Variants in OR11A1 observed in about 807,000 individuals in gnomAD.
OR11A1 encodes the protein olfactory receptor 11A1.
For synonymous variants in OR11A1, 158 were observed against 152.2 expected (o/e 1.04, Z -0.28); for missense variants, 380 against 378.2 (o/e 1.00, Z -0.04).
In OR11A1 at chr6:29,455,838, T is replaced by C. The variant is rs1432410399; in HGVS notation, c.-389+1149A>G. Among the ~76,000 whole-genome samples the C allele has an allele frequency of 6.9e-5, 9 of 130,550 alleles. No homozygotes were observed. The East Asian group carries it at 2.1e-3, about 31-fold the overall frequency. 85.6% of individuals were successfully genotyped at this position (130,550 alleles called of 152,430 possible). ...TTTTAGTGAGCCGAGATCGTGCCATTGCACTCCAGCCTAGGAGACAGAATG... is the reference window on the plus strand; with the variant it reads ...TTTTAGTGAGCCGAGATCGTGCCATCGCACTCCAGCCTAGGAGACAGAATG... On this transcript the variant is annotated intron_variant, in intron 1 of 4. Transcript: ENST00000377149.
intron 1 of OR11A1, among the ~76,000 whole-genome samples, chr6:29,452,625 GA>G (rs200389639): frequency 2.0e-5 from 3 of 151,714 alleles, no homozygotes; most frequent in African/African-American, 4.8e-5. Flanking sequence ...AATGTGAAGA[GA>G]AAAAAAATCT....
chr6:29,428,136 C>T (rs1485386586), intron 4 of OR11A1: 1 of 641,998 alleles, frequency 1.6e-6, no homozygotes, highest in Non-Finnish European at 1.9e-6. Context: ...CTGTCTAATC[C>T]CCATGGTCAC....
chr6:29,435,328 G>T (rs1324923263), intron 1 of OR11A1, among the ~76,000 whole-genome samples: 1 of 152,230 alleles, frequency 6.6e-6, no homozygotes, highest in Non-Finnish European at 1.5e-5. Context: ...ACTCTCAGAA[G>T]TGACTATGGG....
chr6:29,427,717 C>T lies in OR11A1; in HGVS notation c.-76G>A. The T allele has an allele frequency of 6.6e-7, 1 of 1,507,172 alleles. No individual in the cohort carries two copies. The highest frequency in any genetic ancestry group is 8.8e-7 in the Non-Finnish European group (1 of 1,130,866). The allele number at this position is 1,507,172 out of a possible 1,614,324, so 93.4% of individuals were successfully genotyped here. ...ATGTCTCTGCATCTTCTATACCAAG[C>T]CTAACGTTATTAGAGCTAAAACAAA... On this transcript the variant is annotated 5_prime_UTR_variant, in exon 5 of 5. Transcript: ENST00000377149.
intron 1 of OR11A1, among the ~76,000 whole-genome samples, chr6:29,436,699 A>C (rs189259583): frequency 1.6e-4 from 25 of 152,376 alleles, no homozygotes; most frequent in Non-Finnish European, 2.8e-4. Context: ...TGCATTTTAA[A>C]GATGAGAAAT....
intron 1 of OR11A1, chr6:29,450,117 G>T (rs1193678602): frequency 6.6e-6 from 1 of 152,170 alleles, no homozygotes; most frequent in African/African-American, 2.4e-5. Context: ...ACTAAGATAT[G>T]GGATGTAGAA....
At chr6:29,455,224 CA>C (rs1317221783) in intron 1 of OR11A1, among the ~76,000 whole-genome samples, 1 of 152,084 alleles carries the variant, frequency 6.6e-6, no homozygotes, top group Non-Finnish European at 1.5e-5. Flanking sequence ...ATTGAAACAT[CA>C]AACCACAGAC....
chr6:29,440,584 A>G (rs1427846245), intron 1 of OR11A1: 1 of 1,613,578 alleles, frequency 6.2e-7, no homozygotes, highest in Admixed American at 1.7e-5. Flanking sequence ...GTATGTGGAG[A>G]CACCTCGCTT....
intron 1 of OR11A1, chr6:29,450,078 G>T (rs1785199327): frequency 6.6e-6 from 1 of 152,212 alleles, no homozygotes; most frequent in African/African-American, 2.4e-5. Context: ...ACCGAAAAAT[G>T]GGCCTGTGGC....
In OR11A1 at chr6:29,426,208, G is replaced by A. The variant is rs1203349461; in HGVS notation, c.*486C>T. ...CATATTTAATAAAGAACTAATCAAA[G>A]TTTAAATAATTTTGATTATTTGACA... On this transcript the variant is annotated 3_prime_UTR_variant, in exon 5 of 5. Transcript: ENST00000377149. The A allele has an allele frequency of 5.9e-5, 9 of 153,464 alleles. No individual in the cohort carries two copies. The highest frequency in any genetic ancestry group is 2.9e-5 in the Non-Finnish European group (2 of 68,660). The allele number at this position is 153,464 out of a possible 1,614,324, so 9.5% of individuals were successfully genotyped here. A position where few individuals can be genotyped will look rare whatever the true frequency, so the allele number is the denominator to read the frequency against.
In OR11A1 at chr6:29,430,343, T is replaced by C; in HGVS notation, c.-182A>G. 1 of 985,400 alleles carries C rather than the reference T, an allele frequency of 1.0e-6. No homozygotes were observed. The highest frequency in any genetic ancestry group is 1.1e-4 in the East Asian group (1 of 8,804). 61.0% of individuals were successfully genotyped at this position (985,400 alleles called of 1,614,324 possible). On this transcript the variant is annotated 5_prime_UTR_variant, in exon 3 of 5. Coordinates refer to ENST00000377149, the MANE Select transcript of OR11A1 (RefSeq NM_001394828.1). The stretch of plus-strand genomic sequence containing the variant: ...ATTTCCTTGTGAGTGAATCTGGCAC[T>C]CCCTATGTGGGCCATCTTTAACTCT...
rs1395517536 is a variant in OR11A1 at position 29,427,235 on chromosome 6, AGGAGTGGGTAGT to A, written c.395_406del (p.His132_Leu135del). ...CCCCATGTACCGTCTGGGCCCCATCAGGAGTGGGTAGTGGAGTGGGTAGCAAATTGCCAGGTA... is the reference window on the plus strand; with the variant it reads ...CCCCATGTACCGTCTGGGCCCCATCAGGAGTGGGTAGCAAATTGCCAGGTA... On this transcript the variant is annotated inframe_deletion, in exon 5 of 5. Transcript: ENST00000377149. 6 of 1,613,094 alleles carry A rather than the reference AGGAGTGGGTAGT, an allele frequency of 3.7e-6. No individual in the cohort carries two copies. Among genetic ancestry groups the A allele is most frequent in the African/African-American group, 1.3e-5 (1 of 75,036 alleles).
intron 1 of OR11A1, among the ~76,000 whole-genome samples, chr6:29,437,808 T>C (rs1428819031): frequency 6.6e-6 from 1 of 152,230 alleles, no homozygotes; most frequent in Non-Finnish European, 1.5e-5. Context: ...GTAACATTAA[T>C]GGCATCATCT....
chr6:29,433,152 C>T (rs993882220), intron 1 of OR11A1, among the ~76,000 whole-genome samples: 11 of 152,110 alleles, frequency 7.2e-5, no homozygotes, highest in African/African-American at 2.7e-4. Flanking sequence ...AGCTAATTTA[C>T]ATGAACCATT....
chr6:29,440,307 C>T (rs1487093072), intron 1 of OR11A1: 1 of 1,614,130 alleles, frequency 6.2e-7, no homozygotes, highest in Non-Finnish European at 8.5e-7. Flanking sequence ...TGGATGTGCT[C>T]TCCAGATGTT....
At chr6:29,445,527 T>G (rs1162532559) in intron 1 of OR11A1, among the ~76,000 whole-genome samples, 1 of 152,162 alleles carries the variant, frequency 6.6e-6, no homozygotes, top group Non-Finnish European at 1.5e-5. Context: ...GGCCAATCTC[T>G]TCACAGGGCT....
intron 1 of OR11A1, among the ~76,000 whole-genome samples, chr6:29,450,719 CA>C (rs1027145353): frequency 2.8e-4 from 43 of 151,998 alleles, no homozygotes; most frequent in African/African-American, 9.9e-4. Context: ...ACAACACACA[CA>C]AAAAATGGAA....
chr6:29,455,500 T>C (rs1299886611), intron 1 of OR11A1, among the ~76,000 whole-genome samples: 1 of 152,194 alleles, frequency 6.6e-6, no homozygotes, highest in African/African-American at 2.4e-5. Context: ...GACAACATTG[T>C]ATTATATACT....
In OR11A1 at chr6:29,453,357, A is replaced by G. The variant is rs1785661006; in HGVS notation, c.-389+3630T>C. ...GTCTGGAAATAAACCAAGGCAAATA[A>G]TAAATTGAGAACCACTTTTTCATAA... On this transcript the variant is annotated intron_variant, in intron 1 of 4. Coordinates refer to ENST00000377149, the MANE Select transcript of OR11A1 (RefSeq NM_001394828.1). The surrounding 1 kb of genome is among the most constrained non-coding windows in gnomAD (Gnocchi z 4.5). 6.6e-6 allele frequency among the ~76,000 whole-genome samples: 1 copy of G among 152,114 alleles called. No homozygotes were observed. The highest frequency in any genetic ancestry group is 2.1e-4 in the South Asian group (1 of 4,832).
Sources: gnomAD v4.1 joint callset for allele counts (sites outside exome capture counted in the v4.1 genomes callset) on GRCh38, gnomAD v4.1.1 for gene constraint, Gnocchi (gnomAD v3.1) non-coding constraint, MANE v1.5 for transcripts, NCBI Gene and HGNC (gene_info 2026-07-23, HGNC 2026-07-21) for gene names.